FILIP1L: variants seen among roughly 807,000 people sequenced by gnomAD.
FILIP1L encodes filamin A interacting protein 1 like.
In FILIP1L, 55 loss-of-function variants were observed where a neutral mutation model predicts 96.6. The observed-to-expected ratio is 0.57, with a 90% CI of 0.46 to 0.71. FILIP1L has a LOEUF of 0.71. Among genes scored for constraint, FILIP1L ranks in the 30% least tolerant of loss-of-function variants. The probability of loss-of-function intolerance (pLI) is 0.00; values close to 1 mark genes in which losing one functional copy is unlikely to be tolerated. For synonymous variants in FILIP1L, 467 were observed against 473.9 expected (o/e 0.99, Z 0.19); for missense variants, 1,304 against 1,321.2 (o/e 0.99, Z 0.20).
intron 1 of FILIP1L, among the ~76,000 whole-genome samples, chr3:100,051,075 T>C (rs929884025): frequency 1.3e-5 from 2 of 152,188 alleles, no homozygotes; most frequent in Non-Finnish European, 2.9e-5. Flanking sequence ...TTAGTATAAA[T>C]TTATTTTTAA....
chr3:100,006,393 T>C (rs1709986284), intron 1 of FILIP1L, among the ~76,000 whole-genome samples: 1 of 152,162 alleles, frequency 6.6e-6, no homozygotes, highest in African/African-American at 2.4e-5. Flanking sequence ...AACAGCCTTT[T>C]TTCCTCCTTC....
intron 1 of FILIP1L, among the ~76,000 whole-genome samples, chr3:100,029,390 A>C (rs1364336152): frequency 1.3e-5 from 2 of 151,750 alleles, no homozygotes; most frequent in Non-Finnish European, 2.9e-5. Context: ...CAGTCTTCTT[A>C]ATTGTATCCA....
rs1706157185 is a variant in FILIP1L at position 99,893,483 on chromosome 3, A to C, written c.605+30747T>G. Among the ~76,000 whole-genome samples the C allele has an allele frequency of 1.3e-5, 2 of 152,084 alleles. 1 individual carries two copies. The highest frequency in any genetic ancestry group is 4.1e-4 in the South Asian group (2 of 4,826). ...CCCAGCCGGCATCTAGACATTTTTTAATAGGCATTTAGTAACAGTAACAAA... is the reference window on the plus strand; with the variant it reads ...CCCAGCCGGCATCTAGACATTTTTTCATAGGCATTTAGTAACAGTAACAAA... On this transcript the variant is annotated intron_variant, in intron 4 of 5. Transcript: ENST00000477258.
chr3:99,863,798 C>T (rs1944376822), intron 4 of FILIP1L, among the ~76,000 whole-genome samples: 1 of 152,194 alleles, frequency 6.6e-6, no homozygotes, highest in Admixed American at 6.5e-5. Flanking sequence ...ACTAGTTTCT[C>T]TTATGTACTT....
intron 1 of FILIP1L, among the ~76,000 whole-genome samples, chr3:100,010,395 G>A (rs1006152475): frequency 2.0e-5 from 3 of 152,068 alleles, no homozygotes; most frequent in East Asian, 3.9e-4. Flanking sequence ...AAAGAAACCT[G>A]CCTCTTTATA....
At chr3:99,959,832 A>C (rs934379850) in intron 1 of FILIP1L, among the ~76,000 whole-genome samples, 2 of 152,182 alleles carry the variant, frequency 1.3e-5, no homozygotes, top group Admixed American at 6.5e-5. Context: ...ATTACCCAAC[A>C]GTAAGATTAT....
At chr3:99,837,808 T>C (rs1942962634) in intron 5 of FILIP1L, among the ~76,000 whole-genome samples, 1 of 152,260 alleles carries the variant, frequency 6.6e-6, no homozygotes, top group Non-Finnish European at 1.5e-5. Flanking sequence ...GGGAAAATTT[T>C]CTGTTTCTGC....
At chr3:99,846,635 A>G (rs1272507228) in intron 5 of FILIP1L, among the ~76,000 whole-genome samples, 3 of 152,226 alleles carry the variant, frequency 2.0e-5, no homozygotes, top group Non-Finnish European at 4.4e-5. Flanking sequence ...AATTTATTTA[A>G]TGATGATGCA....
At chr3:99,859,886 C>T (rs963436544) in intron 4 of FILIP1L, among the ~76,000 whole-genome samples, 22 of 152,064 alleles carry the variant, frequency 1.4e-4, no homozygotes, top group African/African-American at 4.3e-4. Flanking sequence ...AGCTGTGACC[C>T]GTCTTTTTTA....
At chr3:99,876,195 C>T (rs1705510267) in intron 4 of FILIP1L, 8 of 985,454 alleles carry the variant, frequency 8.1e-6, no homozygotes, top group Non-Finnish European at 9.6e-6. Context: ...TGAGCGCGCC[C>T]GGCCTATGGG....
At position 99,850,354 on chromosome 3, in the gene FILIP1L, C is replaced by T; in HGVS notation, c.1322G>A (p.Cys441Tyr). ...EDAFNKSKQECYSLKCNLEKE... is the reference protein window; with the variant it reads ...EDAFNKSKQEYYSLKCNLEKE... ...TTCTAAATTGCATTTCAGAGAGTAG[C>T]ATTCTTGTTTGCTTTTGTTGAAAGC... The change falls in exon 5 of 6, where the codon TGC (cysteine) becomes TAC (tyrosine). Residue 441 changes from cysteine to tyrosine, a missense_variant. By Grantham distance (194) the Cys-to-Tyr change is radical. Transcript: ENST00000477258. 1 of 1,613,004 alleles carries T rather than the reference C, an allele frequency of 6.2e-7. No homozygotes were observed. The highest frequency in any genetic ancestry group is 8.5e-7 in the Non-Finnish European group (1 of 1,179,840).
chr3:100,035,591 C>T (rs2107273019), intron 1 of FILIP1L, among the ~76,000 whole-genome samples: 1 of 152,260 alleles, frequency 6.6e-6, no homozygotes, highest in Non-Finnish European at 1.5e-5. Flanking sequence ...TTTTAATGCC[C>T]TCTGGTTCCC....
chr3:99,960,909 CA>C (rs968442142), intron 1 of FILIP1L, among the ~76,000 whole-genome samples: 1 of 152,102 alleles, frequency 6.6e-6, no homozygotes, highest in African/African-American at 2.4e-5. Flanking sequence ...GGCAGACCAA[CA>C]AAGTGAAATG....
intron 4 of FILIP1L, among the ~76,000 whole-genome samples, chr3:99,883,627 G>A (rs1174297446): frequency 6.6e-6 from 1 of 152,068 alleles, no homozygotes; most frequent in Non-Finnish European, 1.5e-5. Context: ...ATGAACAACT[G>A]CACACCCAAA....
At chr3:99,925,901 A>G in intron 3 of FILIP1L, 1 of 985,332 alleles carries the variant, frequency 1.0e-6, no homozygotes, top group Non-Finnish European at 1.2e-6. Flanking sequence ...TTTGCCCAGC[A>G]CGGGGTAAGC....
intron 1 of FILIP1L, among the ~76,000 whole-genome samples, chr3:100,012,331 C>G (rs747642908): frequency 6.6e-6 from 1 of 152,106 alleles, no homozygotes; most frequent in Non-Finnish European, 1.5e-5. Context: ...AGTGCTGTTT[C>G]CCCATTTTCT....
chr3:100,060,369 C>T lies in FILIP1L; in HGVS notation c.-11+53684G>A, dbSNP rs564370072. Among the ~76,000 whole-genome samples, 131 of 152,200 alleles carry T rather than the reference C, an allele frequency of 8.6e-4. 1 individual carries two copies. Among genetic ancestry groups the T allele is most frequent in the African/African-American group, 3.0e-3 (123 of 41,492 alleles). ...ATCCCTTTATACCACATCCAAAAAC[C>T]ATCTTCCTGATGCCCTTCTAAGAGA... On this transcript the variant is annotated intron_variant, in intron 1 of 5. Transcript: ENST00000477258.
intron 1 of FILIP1L, among the ~76,000 whole-genome samples, chr3:99,957,463 T>G (rs76578967): frequency 0.042 from 6,376 of 152,012 alleles, 200 homozygotes; most frequent in African/African-American, 0.077. Context: ...TATATATATA[T>G]AGAGAGAGAG....
chr3:99,920,387 T>TA (rs1699484657), intron 4 of FILIP1L, among the ~76,000 whole-genome samples: 1 of 152,234 alleles, frequency 6.6e-6, no homozygotes, highest in Admixed American at 6.5e-5. Context: ...TTACATTGAC[T>TA]AAAAGTACTG....
Sources: gnomAD v4.1 joint callset for allele counts (sites outside exome capture counted in the v4.1 genomes callset) on GRCh38, gnomAD v4.1.1 for gene constraint, MANE v1.5 for transcripts, NCBI Gene and HGNC (gene_info 2026-07-23, HGNC 2026-07-21) for gene names.